The following KLF13 variants were observed in gnomAD, a reference collection of about 807,000 sequenced individuals.
KLF13 encodes KLF transcription factor 13, also known as Krueppel-like factor 13.
In KLF13, 8 loss-of-function variants were observed where a neutral mutation model predicts 16.7. The ratio of observed to expected loss-of-function variants is 0.48; its 90% confidence interval spans 0.28 to 0.87. The LOEUF (loss-of-function observed/expected upper bound fraction) is 0.87. Ranked by LOEUF, KLF13 falls within the 40% of genes least tolerant of loss-of-function variation. The pLI is 0.10. For synonymous variants in KLF13, 245 were observed against 208.4 expected, an observed-to-expected ratio of 1.18 and a Z score of -1.51; for missense variants, 447 against 452.2, an observed-to-expected ratio of 0.99 and a Z score of 0.10.
At chr15:31,384,121 G>C (rs2039766386) in intron 1 of KLF13, among the ~76,000 whole-genome samples, 1 of 152,056 alleles carries the variant, frequency 6.6e-6, no homozygotes, top group African/African-American at 2.4e-5. Context: ...GCTATATTGT[G>C]TTTACATGTT....
intron 1 of KLF13, among the ~76,000 whole-genome samples, chr15:31,425,586 G>T (rs1017278149): frequency 1.3e-5 from 2 of 152,200 alleles, no homozygotes; most frequent in African/African-American, 4.8e-5. Flanking sequence ...TGAATATAAA[G>T]ATTTCAGTGG....
downstream of KLF13, among the ~76,000 whole-genome samples, chr15:31,407,141 C>G (rs1482650699): frequency 1.3e-5 from 2 of 152,120 alleles, no homozygotes; most frequent in Non-Finnish European, 2.9e-5. Flanking sequence ...CAAGGAGGAA[C>G]AGTTTTTAAA....
At chr15:31,332,531 G>T (rs2038851197) in intron 1 of KLF13, among the ~76,000 whole-genome samples, 1 of 152,198 alleles carries the variant, frequency 6.6e-6, no homozygotes, top group Non-Finnish European at 1.5e-5. Context: ...CTGAAAGAAG[G>T]CTGGAAGCTG....
At chr15:31,378,863 A>G (rs536935770), downstream of KLF13, among the ~76,000 whole-genome samples, 1 of 152,144 alleles carries the variant, frequency 6.6e-6, no homozygotes, top group Admixed American at 6.5e-5. Flanking sequence ...GGGATTACAG[A>G]TGTCTGCCAC....
intron 1 of KLF13, among the ~76,000 whole-genome samples, chr15:31,358,865 T>C (rs7174079): frequency 0.43 from 65,583 of 152,146 alleles, 14,911 homozygotes; most frequent in East Asian, 0.56. Context: ...ACAAGGATGT[T>C]AACCGCACAC....
chr15:31,338,808 A>G (rs1437504037), intron 1 of KLF13, among the ~76,000 whole-genome samples: 1 of 152,064 alleles, frequency 6.6e-6, no homozygotes. Context: ...GCTGAGGTTC[A>G]GTCTGGCCCC....
At chr15:31,332,782 CAG>C (rs2038855216) in intron 1 of KLF13, among the ~76,000 whole-genome samples, 1 of 152,150 alleles carries the variant, frequency 6.6e-6, no homozygotes, top group Admixed American at 6.5e-5. Flanking sequence ...CAGCTAAAGG[CAG>C]GGGAAGAAAC....
At chr15:31,396,750 C>T (rs1031646824) in intron 2 of KLF13, among the ~76,000 whole-genome samples, 14 of 152,222 alleles carry the variant, frequency 9.2e-5, no homozygotes, top group African/African-American at 3.4e-4. Context: ...TAGCCTCCAG[C>T]TGCGTGACTC....
At chr15:31,343,477 C>T (rs1380691750) in intron 1 of KLF13, among the ~76,000 whole-genome samples, 1 of 152,188 alleles carries the variant, frequency 6.6e-6, no homozygotes, top group Non-Finnish European at 1.5e-5. Flanking sequence ...TCAGGCTGCT[C>T]ACCTGAAGGG....
chr15:31,395,097 A>C (rs939749188), intron 2 of KLF13, among the ~76,000 whole-genome samples: 1 of 152,136 alleles, frequency 6.6e-6, no homozygotes, highest in Non-Finnish European at 1.5e-5. Context: ...CTCCTGTCTC[A>C]GCCTCCTGAG....
At chr15:31,392,362 C>T (rs1183140474), upstream of KLF13, among the ~76,000 whole-genome samples, 1 of 152,170 alleles carries the variant, frequency 6.6e-6, no homozygotes, top group African/African-American at 2.4e-5. Flanking sequence ...TCTTTGGCCG[C>T]GGGCTGGGGC....
chr15:31,398,600 C>T (rs577244659), intron 2 of KLF13, among the ~76,000 whole-genome samples: 1 of 152,280 alleles, frequency 6.6e-6, no homozygotes, highest in Non-Finnish European at 1.5e-5. Context: ...GCAGCGACCC[C>T]TTCCATCCCA....
chr15:31,405,821 A>G (rs62037900), downstream of KLF13, among the ~76,000 whole-genome samples: 29,909 of 152,188 alleles, frequency 0.2, 3,606 homozygotes, highest in Non-Finnish European at 0.28. Context: ...ATCTGTGTAC[A>G]TGATAGGCAA....
At chr15:31,406,507 G>A (rs1041097078), downstream of KLF13, among the ~76,000 whole-genome samples, 1 of 152,136 alleles carries the variant, frequency 6.6e-6, no homozygotes, top group African/African-American at 2.4e-5. Flanking sequence ...TGTCTGCTAG[G>A]AGTTCAGAAG....
At position 31,327,919 on chromosome 15, in the gene KLF13, C is replaced by G. The variant is rs993358275; in HGVS notation, c.577+130C>G. On this transcript the variant is annotated intron_variant, in intron 1 of 1. Coordinates refer to ENST00000307145, the MANE Select transcript of KLF13 (RefSeq NM_015995.4). ...GGGCCGGAACGCCCGGGGCCTCGCC[C>G]CTTCCCCTGCCGCTCCGACCCGCGG... 9.5e-6 allele frequency: 10 copies of G among 1,049,886 alleles called. No individual in the cohort carries two copies. The Admixed American group carries it at 3.2e-4, about 33-fold the overall frequency. 65.0% of individuals were successfully genotyped at this position (1,049,886 alleles called of 1,614,324 possible).
chr15:31,363,176 C>T (rs2039415589), intron 1 of KLF13, among the ~76,000 whole-genome samples: 1 of 152,248 alleles, frequency 6.6e-6, no homozygotes, highest in Non-Finnish European at 1.5e-5. Flanking sequence ...GCAGCCTCAC[C>T]AAGGTGATAA....
downstream of KLF13, among the ~76,000 whole-genome samples, chr15:31,378,522 G>A (rs11855557): frequency 0.6 from 90,841 of 151,934 alleles, 27,653 homozygotes; most frequent in African/African-American, 0.71. Flanking sequence ...TGTCCTCATC[G>A]GAGGCAGTGG....
intron 2 of KLF13, among the ~76,000 whole-genome samples, chr15:31,399,416 C>T (rs1461271579): frequency 6.6e-6 from 1 of 152,208 alleles, no homozygotes; most frequent in Non-Finnish European, 1.5e-5. Context: ...CCACCCACCT[C>T]GGCCTCCCAA....
intron 1 of KLF13, among the ~76,000 whole-genome samples, chr15:31,345,015 C>A (rs1361938322): frequency 6.6e-6 from 1 of 152,190 alleles, no homozygotes; most frequent in Non-Finnish European, 1.5e-5. Flanking sequence ...GGGCAGGTGC[C>A]TTCCAGGCTC....
Sources: allele counts gnomAD v4.1 joint callset (sites outside exome capture counted in the v4.1 genomes callset), GRCh38; gene constraint gnomAD v4.1.1; transcripts MANE v1.5; gene names NCBI Gene and HGNC (gene_info 2026-07-23, HGNC 2026-07-21).